Variants in MYH16 observed in about 807,000 individuals in gnomAD.
MYH16 encodes putative uncharacterized protein MYH16.
chr7:99,279,597 C>T (rs894509994), exon 22 of MYH16: 5 of 456,380 alleles, frequency 1.1e-5, no homozygotes, highest in East Asian at 1.4e-4. Context: ...CTCAGACATG[C>T]GGGAGCGGCT....
At chr7:99,253,613 C>T (rs1322733609) in intron 7 of MYH16, 1 of 150,368 alleles carries the variant, frequency 6.7e-6, no homozygotes, top group African/African-American at 2.5e-5. Flanking sequence ...AAGCGTGGGG[C>T]TCACCACTGG....
rs1272561971 is a variant in MYH16 at position 99,270,624 on chromosome 7, A to T, written n.2267-333A>T. Reference sequence around the variant, plus strand: ...GAGCCACTGCGCCCAGCCGAAAAAAATTTTTTTAATTAGCTGGACATGGTG... The same window carrying T: ...GAGCCACTGCGCCCAGCCGAAAAAATTTTTTTTAATTAGCTGGACATGGTG... On this transcript the variant is annotated intron_variant and non_coding_transcript_variant, in intron 18 of 41. Transcript: ENST00000439784. Among the ~76,000 whole-genome samples the T allele has an allele frequency of 2.0e-5, 3 of 151,602 alleles. No homozygotes were observed. In the East Asian group the frequency reaches 6.0e-4, roughly 30 times the overall value.
At chr7:99,262,283 G>A (rs992499258) in intron 13 of MYH16, among the ~76,000 whole-genome samples, 9 of 152,156 alleles carry the variant, frequency 5.9e-5, no homozygotes, top group Admixed American at 5.9e-4. Flanking sequence ...GGGTTTGACT[G>A]CCATGAAACA....
intron 20 of MYH16, among the ~76,000 whole-genome samples, chr7:99,276,600 G>C (rs1792115194): frequency 6.6e-6 from 1 of 152,268 alleles, no homozygotes; most frequent in African/African-American, 2.4e-5. Context: ...ACGAGCAAAT[G>C]CTCCCGGCTG....
chr7:99,244,457 C>T (rs932224322), intron 2 of MYH16, among the ~76,000 whole-genome samples: 1 of 152,174 alleles, frequency 6.6e-6, no homozygotes, highest in Non-Finnish European at 1.5e-5. Context: ...TGGTGTTTGC[C>T]TCTCTAGATG....
intron 18 of MYH16, among the ~76,000 whole-genome samples, chr7:99,269,657 C>T (rs1465214452): frequency 6.6e-6 from 1 of 152,266 alleles, no homozygotes; most frequent in African/African-American, 2.4e-5. Flanking sequence ...AAGTATCATA[C>T]TTGACACACC....
intron 27 of MYH16, 92 bp downstream of exon 9, chr7:99,285,530 G>A (rs1428326897): frequency 6.8e-6 from 3 of 439,734 alleles, no homozygotes; most frequent in African/African-American, 6.1e-5. Context: ...AAGGAAACCA[G>A]TAGAGAAGGC....
downstream of MYH16, chr7:99,310,729 C>T (rs1792749112): frequency 6.6e-6 from 1 of 152,220 alleles, no homozygotes; most frequent in African/African-American, 2.4e-5. Context: ...CTCTTTCTCT[C>T]TCTTTCCAGG....
chr7:99,279,545 G>A (rs112278253), exon 22 of MYH16: 14 of 456,644 alleles, frequency 3.1e-5, no homozygotes, highest in African/African-American at 1.4e-4. Flanking sequence ...AGGAGCGCCT[G>A]ACATGGATGA....
chr7:99,294,501 A>C (rs1792443314), intron 33 of MYH16, among the ~76,000 whole-genome samples: 1 of 93,972 alleles, frequency 1.1e-5, no homozygotes, highest in African/African-American at 8.5e-5. Context: ...ACCCTGTCTC[A>C]AAAAAAAAAA....
chr7:99,293,004 A>C (rs1792413323), intron 32 of MYH16, among the ~76,000 whole-genome samples: 1 of 150,418 alleles, frequency 6.6e-6, no homozygotes, highest in Admixed American at 6.6e-5. Context: ...TGAGGAAATA[A>C]GGGGGGACAT....
chr7:99,305,052 G>A (rs1792661855), intron 40 of MYH16, among the ~76,000 whole-genome samples: 1 of 152,054 alleles, frequency 6.6e-6, no homozygotes, highest in African/African-American at 2.4e-5. Context: ...AGCTGGGTGT[G>A]GTGGCACATG....
chr7:99,276,685 A>G (rs1792115886), intron 20 of MYH16, among the ~76,000 whole-genome samples: 2 of 152,270 alleles, frequency 1.3e-5, no homozygotes, highest in African/African-American at 4.8e-5. Context: ...CAGCTGACAC[A>G]GTGCAGGAGG....
rs554157520 is a variant in MYH16 at position 99,271,596 on chromosome 7, A to T, written n.2403+503A>T. On this transcript the variant is annotated intron_variant and non_coding_transcript_variant, in intron 19 of 41. Transcript: ENST00000439784. ...CTTCAAACAACAGGAATTTTTAAAA[A>T]TTTTTTTACTGATACCTAATAGCTA... is the stretch of plus-strand genomic sequence containing the variant. Among the ~76,000 whole-genome samples, 21 of 152,314 alleles carry T rather than the reference A, an allele frequency of 1.4e-4. No homozygotes were observed. In the East Asian group the frequency reaches 2.1e-3, roughly 15 times the overall value.
chr7:99,240,965 G>A (rs554394644), intron 1 of MYH16, among the ~76,000 whole-genome samples: 1 of 152,306 alleles, frequency 6.6e-6, no homozygotes, highest in African/African-American at 2.4e-5. Context: ...GGATTTGAAC[G>A]AAAGTCAAGC....
intron 5 of MYH16, among the ~76,000 whole-genome samples, chr7:99,250,608 G>T (rs769777021): frequency 6.6e-6 from 1 of 152,314 alleles, no homozygotes; most frequent in East Asian, 1.9e-4. Flanking sequence ...TGGGAGTGGT[G>T]GCATGTGCCT....
intron 22 of MYH16, 63 bp downstream of exon 4, chr7:99,279,800 G>A: frequency 2.4e-6 from 1 of 418,492 alleles, no homozygotes; most frequent in Non-Finnish European, 4.7e-6. Flanking sequence ...CATACCTAAA[G>A]CCCCTATGGT....
chr7:99,277,884 T>C (rs1401090942), intron 21 of MYH16, among the ~76,000 whole-genome samples, 172 bp downstream of exon 3: 1 of 115,256 alleles, frequency 8.7e-6, no homozygotes, highest in Non-Finnish European at 1.6e-5. Context: ...AATTCGTGTG[T>C]GTGTGTGTGT....
chr7:99,298,478 C>T (rs907642480), intron 36 of MYH16, among the ~76,000 whole-genome samples: 19 of 152,170 alleles, frequency 1.2e-4, no homozygotes, highest in Non-Finnish European at 1.5e-5. Flanking sequence ...AGTGATCCGC[C>T]CACCTCAGCC....
Sources: gnomAD v4.1 joint callset for allele counts (sites outside exome capture counted in the v4.1 genomes callset) on GRCh38, gnomAD v4.1.1 for gene constraint, MANE v1.5 for transcripts, NCBI Gene and HGNC (gene_info 2026-07-23, HGNC 2026-07-21) for gene names.